SUCLG2: variants seen among roughly 807,000 people sequenced by gnomAD.
SUCLG2 encodes succinate-CoA ligase GDP-forming subunit beta, also known as succinate--CoA ligase [GDP-forming] subunit beta, mitochondrial.
In SUCLG2, 42 loss-of-function variants were observed where a neutral mutation model predicts 47.9. The observed-to-expected ratio is 0.88, with a 90% CI of 0.69 to 1.14. The LOEUF is 1.14. SUCLG2 is among the 50% of genes most tolerant of loss of function. The pLI is 0.00. For synonymous variants in SUCLG2, 195 were observed against 197.3 expected (o/e 0.99, Z 0.10); for missense variants, 571 against 525.9 (o/e 1.09, Z -0.84).
intron 2 of SUCLG2, among the ~76,000 whole-genome samples, chr3:67,546,688 T>C (rs879646124): frequency 2.7e-4 from 41 of 152,280 alleles, no homozygotes; most frequent in Admixed American, 1.9e-3. Context: ...CGAGCCGAGA[T>C]TGTGCCACTG....
At chr3:67,524,625 A>C (rs983927111) in intron 4 of SUCLG2, among the ~76,000 whole-genome samples, 5 of 152,214 alleles carry the variant, frequency 3.3e-5, no homozygotes, top group Non-Finnish European at 5.9e-5. Context: ...TAAATTTAGA[A>C]TCAAAAGGTT....
chr3:67,464,026 A>G (rs1475432117), intron 9 of SUCLG2, among the ~76,000 whole-genome samples: 2 of 152,228 alleles, frequency 1.3e-5, no homozygotes, highest in African/African-American at 4.8e-5. Flanking sequence ...CATTTGAAGC[A>G]ATTTTCTCTT....
intron 9 of SUCLG2, among the ~76,000 whole-genome samples, chr3:67,432,340 G>A (rs9815896): frequency 0.032 from 4,873 of 152,224 alleles, 271 homozygotes; most frequent in African/African-American, 0.11. Context: ...AGTAAATGCT[G>A]TATCCTGCAG....
At chr3:67,513,354 A>G (rs1402624560) in intron 6 of SUCLG2, among the ~76,000 whole-genome samples, 1 of 152,240 alleles carries the variant, frequency 6.6e-6, no homozygotes, top group African/African-American at 2.4e-5. Flanking sequence ...ATACATTAGC[A>G]CAGCATTTTG....
chr3:67,418,466 T>A (rs9831881), intron 9 of SUCLG2, among the ~76,000 whole-genome samples: 3 of 152,180 alleles, frequency 2.0e-5, no homozygotes, highest in Admixed American at 1.3e-4. Context: ...GTTTATCTAA[T>A]GACAAGAGCT....
intron 1 of SUCLG2, among the ~76,000 whole-genome samples, chr3:67,626,913 CAA>C (rs35290770): frequency 2.4e-5 from 1 of 42,106 alleles, no homozygotes; most frequent in African/African-American, 1.1e-4. Flanking sequence ...GACTCCGTCT[CAA>C]AAAAAAAAAA....
chr3:67,632,164 C>T (rs1041610777), intron 1 of SUCLG2, among the ~76,000 whole-genome samples: 2 of 152,096 alleles, frequency 1.3e-5, no homozygotes, highest in Admixed American at 1.3e-4. Context: ...AGTTCAAGCA[C>T]AAATTCTACA....
chr3:67,412,595 C>G (rs574873745), intron 9 of SUCLG2, among the ~76,000 whole-genome samples: 1 of 152,116 alleles, frequency 6.6e-6, no homozygotes, highest in Non-Finnish European at 1.5e-5. Flanking sequence ...GGCATTTATT[C>G]CCCCGTCCCT....
chr3:67,536,980 A>C (rs577286940), intron 2 of SUCLG2, among the ~76,000 whole-genome samples: 6 of 152,294 alleles, frequency 3.9e-5, no homozygotes, highest in Non-Finnish European at 7.4e-5. Flanking sequence ...GGGAAAATAA[A>C]TTTTATGTAT....
At chr3:67,377,388 C>T (rs1314943619) in intron 10 of SUCLG2, among the ~76,000 whole-genome samples, 5 of 152,186 alleles carry the variant, frequency 3.3e-5, no homozygotes, top group Admixed American at 6.5e-5. Context: ...TGTGGCAGGC[C>T]TGGCTGGCTT....
intron 9 of SUCLG2, among the ~76,000 whole-genome samples, chr3:67,439,364 C>T (rs1703701962): frequency 6.6e-6 from 1 of 152,138 alleles, no homozygotes; most frequent in South Asian, 2.1e-4. Context: ...TCCTATTCAA[C>T]ATAGTATTGG....
At position 67,520,573 on chromosome 3, in the gene SUCLG2, C is replaced by A. The variant is rs148943214; in HGVS notation, c.479G>T (p.Arg160Leu). ...CACCAGCACGGGGCCATTGCAGGAC[C>A]GGTCCATCAGAATTGCCAGGTAGGT... ...RETYLAILMDRSCNGPVLVGS... is the reference protein window; with the variant it reads ...RETYLAILMDLSCNGPVLVGS... Residue 160 changes from arginine to leucine, a missense_variant, in exon 5 of 11, where the codon CGG becomes CTG. Transcript: ENST00000307227. 2 of 1,614,116 alleles carry A rather than the reference C, an allele frequency of 1.2e-6. No homozygotes were observed.
chr3:67,520,511 CCA>C lies in SUCLG2; in HGVS notation c.539_540del (p.Val180GlyfsTer10), dbSNP rs750901124. 117 of 1,614,022 alleles carry C rather than the reference CCA, an allele frequency of 7.2e-5. No individual in the cohort carries two copies. Among genetic ancestry groups the C allele is most frequent in the Non-Finnish European group, 9.7e-5 (115 of 1,180,016 alleles). On this transcript the variant is annotated frameshift_variant, in exon 5 of 11. Transcript: ENST00000307227. LOFTEE classifies it high-confidence loss of function. ...AAAATGAGCTCCGGGTTTGAAGCAG[CCA>C]CCTCTTCAATGTCGACGCCCCCCTG... ...SPQGGVDIEE[V>X]AASNPELIFK...
At chr3:67,605,588 C>T (rs191265481) in intron 2 of SUCLG2, among the ~76,000 whole-genome samples, 3 of 152,082 alleles carry the variant, frequency 2.0e-5, no homozygotes, top group Non-Finnish European at 4.4e-5. Flanking sequence ...TAGCTCTAGA[C>T]AGAATCACAG....
chr3:67,633,686 A>G (rs1700963183), intron 1 of SUCLG2, among the ~76,000 whole-genome samples: 1 of 152,198 alleles, frequency 6.6e-6, no homozygotes, highest in African/African-American at 2.4e-5. Flanking sequence ...TGGCAATAAT[A>G]AAACAAAACT....
Position 67,609,470 on chromosome 3 carries a change from C to A in SUCLG2, c.211G>T (p.Ala71Ser). ...VADTANEALEAAKRLNAKEIV... is the reference protein window; with the variant it reads ...VADTANEALESAKRLNAKEIV... ...ATCAGCTTACTTAGTCTCTTAGCAGCCTCGAGAGCTTCATTTGCAGTGTCT... is the reference window on the plus strand; with the variant it reads ...ATCAGCTTACTTAGTCTCTTAGCAGACTCGAGAGCTTCATTTGCAGTGTCT... Residue 71 changes from alanine (A) to serine (S), a missense_variant, in exon 2 of 11, where the codon GCT becomes TCT. Transcript: ENST00000307227. The A allele has an allele frequency of 6.2e-7, 1 of 1,612,322 alleles. No homozygotes were observed. Among genetic ancestry groups the A allele is most frequent in the Non-Finnish European group, 8.5e-7 (1 of 1,179,674 alleles).
chr3:67,542,179 C>T (rs560002580), intron 2 of SUCLG2, among the ~76,000 whole-genome samples: 9 of 152,246 alleles, frequency 5.9e-5, no homozygotes, highest in African/African-American at 2.2e-4. Flanking sequence ...CGGCCCTCAA[C>T]ATTCTTAAAG....
intron 9 of SUCLG2, among the ~76,000 whole-genome samples, chr3:67,439,382 G>A (rs761807444): frequency 6.6e-6 from 1 of 152,158 alleles, no homozygotes; most frequent in African/African-American, 2.4e-5. Context: ...TGGAAGTTCC[G>A]GCCAGGGCAA....
At chr3:67,557,108 T>A (rs1024582131) in intron 2 of SUCLG2, among the ~76,000 whole-genome samples, 1 of 152,170 alleles carries the variant, frequency 6.6e-6, no homozygotes, top group Non-Finnish European at 1.5e-5. Context: ...ATTCTAGACA[T>A]GTTTCTTTTA....
Sources: gnomAD v4.1 joint callset for allele counts (sites outside exome capture counted in the v4.1 genomes callset) on GRCh38, gnomAD v4.1.1 for gene constraint, MANE v1.5 for transcripts, NCBI Gene and HGNC (gene_info 2026-07-23, HGNC 2026-07-21) for gene names.